The following OR9Q1 variants were observed in gnomAD, a reference collection of about 807,000 sequenced individuals.
OR9Q1 encodes olfactory receptor family 9 subfamily Q member 1, also known as olfactory receptor 9Q1.
For missense variants in OR9Q1, 374 were observed against 378.8 expected (o/e 0.99, Z 0.11); for synonymous variants, 153 against 148.6 (o/e 1.03, Z -0.22).
At chr11:58,177,451 C>A (rs1854616536) in intron 2 of OR9Q1, among the ~76,000 whole-genome samples, 1 of 152,112 alleles carries the variant, frequency 6.6e-6, no homozygotes, top group Non-Finnish European at 1.5e-5. Flanking sequence ...GTTCCTACCT[C>A]ATGTAGTGGT....
chr11:58,161,055 G>A (rs1408393583), intron 2 of OR9Q1, among the ~76,000 whole-genome samples: 1 of 151,290 alleles, frequency 6.6e-6, no homozygotes, highest in African/African-American at 2.4e-5. Flanking sequence ...GTTGAATAGG[G>A]GACACAGGGC....
At chr11:58,088,027 A>C (rs1051470122) in intron 2 of OR9Q1, among the ~76,000 whole-genome samples, 4 of 151,808 alleles carry the variant, frequency 2.6e-5, no homozygotes, top group Non-Finnish European at 4.4e-5. Flanking sequence ...ATCTGGGATT[A>C]CAGGGGCACA....
At chr11:58,063,448 C>T (rs1490112335) in intron 2 of OR9Q1, among the ~76,000 whole-genome samples, 1 of 152,124 alleles carries the variant, frequency 6.6e-6, no homozygotes, top group African/African-American at 2.4e-5. Flanking sequence ...GATTTGAACA[C>T]ATGCAAAGGA....
chr11:58,114,658 TCA>T (rs1364372633), intron 2 of OR9Q1, among the ~76,000 whole-genome samples: 1 of 152,224 alleles, frequency 6.6e-6, no homozygotes, highest in East Asian at 1.9e-4. Flanking sequence ...ATGAGCACTG[TCA>T]CCTTCATGCC....
At chr11:58,033,062 C>T (rs1853059616) in intron 1 of OR9Q1, among the ~76,000 whole-genome samples, 1 of 152,186 alleles carries the variant, frequency 6.6e-6, no homozygotes, top group Admixed American at 6.5e-5. Context: ...GAGATATCAT[C>T]TCATGCCAGT....
chr11:58,116,059 TC>T (rs1853951181), intron 2 of OR9Q1, among the ~76,000 whole-genome samples: 1 of 152,206 alleles, frequency 6.6e-6, no homozygotes, highest in Non-Finnish European at 1.5e-5. Context: ...GATGAATGTT[TC>T]CTTCTCACAT....
chr11:58,065,342 C>T (rs1853418681), intron 2 of OR9Q1, among the ~76,000 whole-genome samples: 2 of 148,788 alleles, frequency 1.3e-5, no homozygotes, highest in Admixed American at 1.3e-4. Flanking sequence ...CAGACAGAAG[C>T]AGAGAGTGAT....
intron 2 of OR9Q1, among the ~76,000 whole-genome samples, chr11:58,119,883 C>T (rs978267389): frequency 1.3e-5 from 2 of 152,072 alleles, no homozygotes; most frequent in Non-Finnish European, 2.9e-5. Context: ...CCTTCTGTAC[C>T]TTTCACACAC....
chr11:58,108,764 C>A, intron 2 of OR9Q1: 1 of 209,562 alleles, frequency 4.8e-6, no homozygotes, highest in Non-Finnish European at 9.7e-6. Context: ...TTTCCAAATG[C>A]AGCTTTTACA....
At chr11:58,081,896 T>C (rs898906844) in intron 2 of OR9Q1, among the ~76,000 whole-genome samples, 6 of 152,006 alleles carry the variant, frequency 3.9e-5, no homozygotes, top group Non-Finnish European at 7.4e-5. Flanking sequence ...TTAGTTACAG[T>C]GTTGACTTAA....
chr11:58,143,215 A>G (rs567683952), intron 2 of OR9Q1, among the ~76,000 whole-genome samples: 7 of 152,348 alleles, frequency 4.6e-5, no homozygotes, highest in Non-Finnish European at 1.0e-4. Flanking sequence ...ACCATGTGCA[A>G]CATACTGTGT....
At chr11:58,123,984 C>A (rs987427917) in intron 2 of OR9Q1, among the ~76,000 whole-genome samples, 1 of 152,096 alleles carries the variant, frequency 6.6e-6, no homozygotes, top group South Asian at 2.1e-4. Context: ...TCAATTTTTT[C>A]AATAATAAAA....
At chr11:58,043,711 C>T (rs1395399048) in intron 1 of OR9Q1, among the ~76,000 whole-genome samples, 1 of 152,224 alleles carries the variant, frequency 6.6e-6, no homozygotes, top group Admixed American at 6.5e-5. Flanking sequence ...CCACCCCTTG[C>T]ATTGCCAAGT....
intron 1 of OR9Q1, among the ~76,000 whole-genome samples, chr11:58,026,179 G>T (rs2119898020): frequency 6.6e-6 from 1 of 152,314 alleles, no homozygotes; most frequent in African/African-American, 2.4e-5. Context: ...CCTGATGCCT[G>T]GTACCATGCC....
chr11:58,081,793 C>CTTTTTTTTTTTTTTTTTTTTTTT (rs201892501), intron 2 of OR9Q1, among the ~76,000 whole-genome samples: 1 of 128,154 alleles, frequency 7.8e-6, no homozygotes, highest in Non-Finnish European at 1.6e-5. Flanking sequence ...ATGATAGTTT[C>CTTTTTTTTTTTTTTTTTTTTTTT]TTTTTTTTTT....
chr11:58,144,422 A>T (rs548137467), intron 2 of OR9Q1: 3 of 149,768 alleles, frequency 2.0e-5, no homozygotes, highest in Admixed American at 1.3e-4. Context: ...ATAAAAATTT[A>T]TCTTTAATGA....
At chr11:58,160,632 A>G (rs546091396) in intron 2 of OR9Q1, among the ~76,000 whole-genome samples, 1 of 152,228 alleles carries the variant, frequency 6.6e-6, no homozygotes, top group South Asian at 2.1e-4. Context: ...GCTAATTTCA[A>G]AAAAAGATTT....
chr11:58,053,350 A>C (rs28680995), intron 1 of OR9Q1, among the ~76,000 whole-genome samples: 1 of 149,898 alleles, frequency 6.7e-6, no homozygotes, highest in Admixed American at 6.7e-5. Context: ...TCGCAAGGAC[A>C]AAAAACCAAA....
At chr11:58,141,637 A>G (rs1854250338) in intron 2 of OR9Q1, among the ~76,000 whole-genome samples, 1 of 151,984 alleles carries the variant, frequency 6.6e-6, no homozygotes, top group Admixed American at 6.6e-5. Flanking sequence ...TTTATTGAGG[A>G]TTTTTGCATC....
Sources: gnomAD v4.1 joint callset for allele counts (sites outside exome capture counted in the v4.1 genomes callset) on GRCh38, gnomAD v4.1.1 for gene constraint, MANE v1.5 for transcripts, NCBI Gene and HGNC (gene_info 2026-07-23, HGNC 2026-07-21) for gene names.